Variants in CNKSR3 observed in about 807,000 individuals in gnomAD.
CNKSR3 encodes the protein CNKSR family member 3.
A neutral mutation model predicts 67.7 loss-of-function variants in CNKSR3; 36 were observed. The observed-to-expected ratio is 0.53, with a 90% CI of 0.41 to 0.70. The LOEUF is 0.70. Ranked by LOEUF, CNKSR3 falls within the 30% of genes least tolerant of loss-of-function variation. The probability of loss-of-function intolerance (pLI) is 0.00; values close to 1 mark genes in which losing one functional copy is unlikely to be tolerated. For missense variants in CNKSR3, 630 were observed against 695.2 expected (o/e 0.91, Z 1.05); for synonymous variants, 281 against 271.4 (o/e 1.04, Z -0.35).
intron 1 of CNKSR3, among the ~76,000 whole-genome samples, chr6:154,491,749 A>G (rs892308090): frequency 5.3e-5 from 8 of 152,226 alleles, no homozygotes; most frequent in African/African-American, 1.9e-4. Flanking sequence ...ATAGTCATTC[A>G]CTAAATGAAT....
chr6:154,458,585 C>T (rs1786007548), intron 1 of CNKSR3, among the ~76,000 whole-genome samples: 1 of 152,078 alleles, frequency 6.6e-6, no homozygotes, highest in Non-Finnish European at 1.5e-5. Flanking sequence ...AAAGTTCCCT[C>T]GGGCCCCTTT....
chr6:154,443,575 T>C (rs1483226919), intron 2 of CNKSR3, among the ~76,000 whole-genome samples: 1 of 152,158 alleles, frequency 6.6e-6, no homozygotes. Context: ...TCTGTGAGTA[T>C]GCCCACTACC....
At position 154,390,759 on chromosome 6, in the gene CNKSR3, G is replaced by A. The variant is rs1784594555; in HGVS notation, c.*15595C>T. On this transcript the variant is annotated 3_prime_UTR_variant, in exon 13 of 13. Transcript: ENST00000607772. ...TCTTCTCACAGCTCTGCAGGTGGAA[G>A]ACTGATCAAGGTGTCAGCAGCACTG... 1 of 148,610 alleles carries A rather than the reference G, an allele frequency of 6.7e-6. No individual in the cohort carries two copies. Among genetic ancestry groups the A allele is most frequent in the Admixed American group, 6.7e-5 (1 of 14,908 alleles). 9.2% of individuals were successfully genotyped at this position (148,610 alleles called of 1,614,324 possible). A position where few individuals can be genotyped will look rare whatever the true frequency, so the allele number is the denominator to read the frequency against.
chr6:154,468,055 T>C (rs969735329), intron 1 of CNKSR3, among the ~76,000 whole-genome samples: 6 of 137,538 alleles, frequency 4.4e-5, no homozygotes, highest in Non-Finnish European at 9.2e-5. Flanking sequence ...CCACCACGCC[T>C]AGGCTTTTTT....
At chr6:154,467,783 G>A (rs1562346491) in intron 1 of CNKSR3, among the ~76,000 whole-genome samples, 1 of 151,622 alleles carries the variant, frequency 6.6e-6, no homozygotes, top group African/African-American at 2.4e-5. Flanking sequence ...TTTTGAGATG[G>A]AGTCTCGCTC....
rs185341933 is a variant in CNKSR3 at position 154,487,823 on chromosome 6, T to C, written c.52+22240A>G. ...ACAAAGAGACTTTAGGGTTTTACCT[T>C]CTTCCCTGTCAAATATTTACCAAAG... On this transcript the variant is annotated intron_variant, in intron 1 of 12. Transcript: ENST00000607772. 3.1e-3 allele frequency among the ~76,000 whole-genome samples: 471 copies of C among 152,346 alleles called. 1 individual carries two copies. The highest frequency in any genetic ancestry group is 5.0e-3 in the Non-Finnish European group (342 of 68,026).
At chr6:154,447,300 G>A (rs545397250) in intron 2 of CNKSR3, among the ~76,000 whole-genome samples, 45 of 152,220 alleles carry the variant, frequency 3.0e-4, no homozygotes, top group African/African-American at 8.9e-4. Context: ...TAGTACAACC[G>A]AGGAACTGAA....
At chr6:154,498,192 A>C (rs926542919) in intron 1 of CNKSR3, among the ~76,000 whole-genome samples, 1 of 152,240 alleles carries the variant, frequency 6.6e-6, no homozygotes, top group Non-Finnish European at 1.5e-5. Context: ...AAAACAAATT[A>C]TACATTAAAA....
chr6:154,504,906 C>T (rs1192117763), intron 1 of CNKSR3, among the ~76,000 whole-genome samples: 1 of 151,558 alleles, frequency 6.6e-6, no homozygotes, highest in Non-Finnish European at 1.5e-5. Context: ...CTTAGAACAG[C>T]GTCTGCCAAG....
chr6:154,400,368 C>T lies in CNKSR3; in HGVS notation c.*5986G>A, dbSNP rs908066663. On this transcript the variant is annotated 3_prime_UTR_variant, in exon 13 of 13. Transcript: ENST00000607772. Reference sequence around the variant, plus strand: ...ATGAACAGGTGATCAACTCAGAAGACGAGCTTCATAAAGGTTGCCATAGAA... The same window carrying T: ...ATGAACAGGTGATCAACTCAGAAGATGAGCTTCATAAAGGTTGCCATAGAA... The T allele has an allele frequency of 6.6e-6, 1 of 152,170 alleles. No individual in the cohort carries two copies. Among genetic ancestry groups the T allele is most frequent in the African/African-American group, 2.4e-5 (1 of 41,442 alleles). 9.4% of individuals were successfully genotyped at this position (152,170 alleles called of 1,614,324 possible).
chr6:154,495,205 T>C (rs1449285837), intron 1 of CNKSR3, among the ~76,000 whole-genome samples: 1 of 152,164 alleles, frequency 6.6e-6, no homozygotes, highest in African/African-American at 2.4e-5. Flanking sequence ...GAGAGGGCAC[T>C]GCATTTTCTT....
chr6:154,474,629 G>A (rs1192129664), intron 1 of CNKSR3, among the ~76,000 whole-genome samples: 1 of 152,176 alleles, frequency 6.6e-6, no homozygotes, highest in Non-Finnish European at 1.5e-5. Flanking sequence ...AGATGCCCTT[G>A]GGAAGGCAGC....
At chr6:154,425,399 A>G (rs1200946164) in intron 7 of CNKSR3, among the ~76,000 whole-genome samples, 1 of 152,236 alleles carries the variant, frequency 6.6e-6, no homozygotes, top group Non-Finnish European at 1.5e-5. Context: ...TGTGTTTGGC[A>G]GAACACTGGT....
chr6:154,491,673 TG>T (rs1437360733), intron 1 of CNKSR3, among the ~76,000 whole-genome samples: 13 of 149,268 alleles, frequency 8.7e-5, no homozygotes, highest in Non-Finnish European at 1.5e-4. Context: ...TCCAAAACAA[TG>T]TGAAAAAAAA....
intron 1 of CNKSR3, among the ~76,000 whole-genome samples, chr6:154,493,720 G>A (rs7742919): frequency 0.14 from 20,593 of 152,140 alleles, 1,540 homozygotes; most frequent in East Asian, 0.18. Context: ...CAATCATGTC[G>A]GAAGGCGAAG....
chr6:154,493,239 G>A (rs1786816693), intron 1 of CNKSR3, among the ~76,000 whole-genome samples: 2 of 152,138 alleles, frequency 1.3e-5, no homozygotes, highest in Admixed American at 6.5e-5. Context: ...ACATTGCTCT[G>A]TGAAATCGTT....
chr6:154,493,381 CGAG>C (rs1203104368), intron 1 of CNKSR3, among the ~76,000 whole-genome samples: 14 of 152,178 alleles, frequency 9.2e-5, no homozygotes, highest in African/African-American at 2.7e-4. Context: ...ATATCAGCTC[CGAG>C]AAGATAGGAA....
At chr6:154,439,027 T>C (rs76658305) in intron 4 of CNKSR3, among the ~76,000 whole-genome samples, 8,551 of 152,150 alleles carry the variant, frequency 0.056, 409 homozygotes, top group Non-Finnish European at 0.077. Context: ...AGATGATGCA[T>C]AAGCCCATCC....
intron 1 of CNKSR3, among the ~76,000 whole-genome samples, chr6:154,497,380 G>A (rs1169832629): frequency 6.6e-6 from 1 of 152,038 alleles, no homozygotes; most frequent in Non-Finnish European, 1.5e-5. Context: ...GACAGAGGAA[G>A]ACCCTGTCTC....
Sources: gnomAD v4.1 joint callset for allele counts (sites outside exome capture counted in the v4.1 genomes callset) on GRCh38, gnomAD v4.1.1 for gene constraint, MANE v1.5 for transcripts, NCBI Gene and HGNC (gene_info 2026-07-23, HGNC 2026-07-21) for gene names.